The following CDH12 variants were observed in gnomAD, a reference collection of about 807,000 sequenced individuals.
The protein encoded by CDH12 is cadherin-12.
In CDH12, 41 loss-of-function variants were observed where a neutral mutation model predicts 74.1. The observed-to-expected ratio is 0.55, with a 90% confidence interval of 0.43 to 0.72. CDH12 has a LOEUF of 0.72. Among genes scored for constraint, CDH12 ranks in the 30% least tolerant of loss-of-function variants. The probability of loss-of-function intolerance (pLI) is 0.00; values close to 1 mark genes in which losing one functional copy is unlikely to be tolerated. For missense variants in CDH12, 945 were observed against 977.2 expected, an observed-to-expected ratio of 0.97 and a Z score of 0.44; for synonymous variants, 399 against 355.0, an observed-to-expected ratio of 1.12 and a Z score of -1.39.
intron 4 of CDH12, among the ~76,000 whole-genome samples, chr5:22,185,386 G>A (rs1749885718): frequency 6.6e-6 from 1 of 151,940 alleles, no homozygotes; most frequent in South Asian, 2.1e-4. Context: ...TTACAGTAGA[G>A]ACAGGTTTCA....
chr5:22,555,261 C>T (rs1019991369), intron 1 of CDH12, among the ~76,000 whole-genome samples: 6 of 151,690 alleles, frequency 4.0e-5, no homozygotes, highest in Admixed American at 2.6e-4. Flanking sequence ...AAATTAAAAA[C>T]ACAACTAGAA....
rs888772230 is a variant in CDH12, at chr5:21,962,411, C to A, written c.526+12680G>T. 3.9e-5 allele frequency among the ~76,000 whole-genome samples: 6 copies of A among 152,200 alleles called. No individual in the cohort carries two copies. The East Asian group carries it at 5.8e-4, about 15-fold the overall frequency. On this transcript the variant is annotated intron_variant, in intron 6 of 14. Coordinates refer to ENST00000382254, the MANE Select transcript of CDH12 (RefSeq NM_004061.5). ...GTATATTTTGCACTTGTTACTTCAACAATGTTCATTACTGAAAATTTCCTT... is the reference window on the plus strand; with the variant it reads ...GTATATTTTGCACTTGTTACTTCAAAAATGTTCATTACTGAAAATTTCCTT...
rs991058164 is a variant in CDH12 at position 22,249,868 on chromosome 5, C to G, written c.-332-37225G>C. The stretch of plus-strand genomic sequence containing the variant: ...CAATGGATTATACCTACAGATTATT[C>G]ACTCATTTTTGTGTTAATCAAACAT... On this transcript the variant is annotated intron_variant, in intron 3 of 14. Transcript: ENST00000382254. Among the ~76,000 whole-genome samples, 27 of 7,384 alleles carry G rather than the reference C, an allele frequency of 3.7e-3. 1 individual carries two copies. Among genetic ancestry groups the G allele is most frequent in the Non-Finnish European group, 0.015 (6 of 390 alleles). 4.8% of individuals were successfully genotyped at this position (7,384 alleles called of 152,430 possible).
chr5:22,378,363 G>GT (rs1218439693), intron 3 of CDH12, among the ~76,000 whole-genome samples: 17 of 151,904 alleles, frequency 1.1e-4, no homozygotes, highest in South Asian at 4.1e-4. Flanking sequence ...TATTTATGCA[G>GT]TTTTTTTTGG....
chr5:22,073,963 C>T (rs986710492), intron 5 of CDH12, among the ~76,000 whole-genome samples: 2 of 152,058 alleles, frequency 1.3e-5, no homozygotes, highest in Admixed American at 6.6e-5. Flanking sequence ...AAGTCATATT[C>T]GAGGCTAAAG....
intron 4 of CDH12, among the ~76,000 whole-genome samples, chr5:22,090,606 T>TAC (rs59054021): frequency 0.29 from 42,897 of 147,510 alleles, 6,447 homozygotes; most frequent in African/African-American, 0.41. Flanking sequence ...CATACATACA[T>TAC]ACACACACAC....
In CDH12 at chr5:21,954,386, GCA is replaced by G. The variant is rs1173839890; in HGVS notation, c.526+20703_526+20704del. On this transcript the variant is annotated intron_variant, in intron 6 of 14. Coordinates refer to ENST00000382254, the MANE Select transcript of CDH12 (RefSeq NM_004061.5). ...TTCAGAGTAGTGTGTGTGAGTGCCT[GCA>G]CACACACTTGCATGTGAGAGCTTCT... 3.3e-5 allele frequency among the ~76,000 whole-genome samples: 5 copies of G among 151,808 alleles called. No homozygotes were observed. In the East Asian group the frequency reaches 9.7e-4, roughly 29 times the overall value.
At chr5:22,444,795 T>C (rs1744760902) in intron 2 of CDH12, among the ~76,000 whole-genome samples, 1 of 152,028 alleles carries the variant, frequency 6.6e-6, no homozygotes, top group African/African-American at 2.4e-5. Context: ...TAAATTCATA[T>C]TATTAGTATT....
intron 5 of CDH12, among the ~76,000 whole-genome samples, chr5:22,074,891 AG>A (rs1742199729): frequency 6.6e-6 from 1 of 152,186 alleles, no homozygotes; most frequent in Non-Finnish European, 1.5e-5. Flanking sequence ...CCATTGTGGA[AG>A]TCAGTGTGGC....
chr5:22,495,583 C>T (rs113263820), intron 2 of CDH12, among the ~76,000 whole-genome samples: 2,532 of 151,760 alleles, frequency 0.017, 49 homozygotes, highest in Non-Finnish European at 0.021. Flanking sequence ...GATATATATA[C>T]ACACACACAC....
chr5:21,777,277 T>C (rs1322749648), intron 11 of CDH12, among the ~76,000 whole-genome samples: 2 of 152,120 alleles, frequency 1.3e-5, no homozygotes, highest in Non-Finnish European at 2.9e-5. Flanking sequence ...TACCTAACTA[T>C]ACCACTGTTA....
At chr5:22,488,556 G>T (rs1281815034) in intron 2 of CDH12, among the ~76,000 whole-genome samples, 1 of 152,116 alleles carries the variant, frequency 6.6e-6, no homozygotes, top group Non-Finnish European at 1.5e-5. Context: ...AATTCCCTGG[G>T]AATGTGCCTT....
At chr5:22,656,842 G>T (rs1180122559) in intron 1 of CDH12, among the ~76,000 whole-genome samples, 1 of 152,096 alleles carries the variant, frequency 6.6e-6, no homozygotes, top group African/African-American at 2.4e-5. Context: ...GTGTGTTGGA[G>T]AGAGAGAAAG....
chr5:22,071,573 GATCT>G (rs543674244), intron 5 of CDH12, among the ~76,000 whole-genome samples: 81 of 152,014 alleles, frequency 5.3e-4, no homozygotes, highest in African/African-American at 7.7e-4. Context: ...TTACTAATTA[GATCT>G]ATCTAATTTT....
intron 3 of CDH12, among the ~76,000 whole-genome samples, chr5:22,272,659 C>T (rs550620574): frequency 6.6e-6 from 1 of 152,088 alleles, no homozygotes; most frequent in East Asian, 1.9e-4. Flanking sequence ...ATTAATTGGC[C>T]TCATTTCAAT....
chr5:21,989,347 T>C (rs576111439), intron 5 of CDH12, among the ~76,000 whole-genome samples: 1 of 152,210 alleles, frequency 6.6e-6, no homozygotes, highest in South Asian at 2.1e-4. Context: ...GTGAAAGCGA[T>C]TGAGTTTTGC....
rs536816396 is a variant in CDH12, at chr5:22,677,629, A to G, written c.-522-172265T>C. On this transcript the variant is annotated intron_variant, in intron 1 of 14. Transcript: ENST00000382254. The stretch of plus-strand genomic sequence containing the variant: ...AACATTCAGAACATGGCACTAGGAT[A>G]GAGACTGGAAAAACTTTAATGGAGG... 1.7e-4 allele frequency among the ~76,000 whole-genome samples: 26 copies of G among 152,244 alleles called. No homozygotes were observed. In the East Asian group the frequency reaches 3.1e-3, roughly 18 times the overall value.
intron 5 of CDH12, among the ~76,000 whole-genome samples, chr5:22,048,997 TA>T (rs1740159356): frequency 6.6e-6 from 1 of 152,254 alleles, no homozygotes. Context: ...TTATGAGTTA[TA>T]CATTATAAAG....
At chr5:22,537,795 C>A (rs902701828) in intron 1 of CDH12, among the ~76,000 whole-genome samples, 1 of 152,210 alleles carries the variant, frequency 6.6e-6, no homozygotes, top group African/African-American at 2.4e-5. Flanking sequence ...ATAAACTTGT[C>A]TGTGACTGTT....
Sources: gnomAD v4.1 joint callset for allele counts (sites outside exome capture counted in the v4.1 genomes callset) on GRCh38, gnomAD v4.1.1 for gene constraint, MANE v1.5 for transcripts, NCBI Gene and HGNC (gene_info 2026-07-23, HGNC 2026-07-21) for gene names.